CCDC57: variants seen among roughly 807,000 people sequenced by gnomAD.
CCDC57 encodes the protein coiled-coil domain containing 57, also known as coiled-coil domain-containing protein 57.
CCDC57 carries 118 observed loss-of-function variants against 118.9 expected under a neutral mutation model. The ratio of observed to expected loss-of-function variants is 0.99; its 90% CI spans 0.86 to 1.16. CCDC57 has a LOEUF of 1.16. CCDC57 is among the 50% of genes most tolerant of loss of function. The pLI is 0.00. For missense variants in CCDC57, 1,300 were observed against 1,320.7 expected, an observed-to-expected ratio of 0.98 and a Z score of 0.24; for synonymous variants, 527 against 532.9, an observed-to-expected ratio of 0.99 and a Z score of 0.15.
chr17:82,209,002 T>C (rs995473175), intron 1 of CCDC57, among the ~76,000 whole-genome samples: 7 of 152,152 alleles, frequency 4.6e-5, no homozygotes, highest in East Asian at 3.9e-4. Flanking sequence ...CACGTACTTA[T>C]AGGTGTGAAC....
intron 5 of CCDC57, 61 bp from the exon 5 acceptor site, chr17:82,194,200 G>T: frequency 6.6e-7 from 1 of 1,522,876 alleles, no homozygotes; most frequent in South Asian, 1.2e-5. Flanking sequence ...GAGGCATTAG[G>T]GGTACATACT....
intron 4 of CCDC57, 73 bp from the exon 4 acceptor site, chr17:82,195,437 T>G: frequency 3.3e-6 from 4 of 1,199,372 alleles, no homozygotes; most frequent in Middle Eastern, 1.9e-4. Context: ...TCCTGGGAGG[T>G]GGGATCCAGA....
Position 82,193,740 on chromosome 17 carries a change from G to GGCC in CCDC57, c.851+15_851+16insGGC. 1 of 1,582,346 alleles carries GGCC rather than the reference G, an allele frequency of 6.3e-7. No individual in the cohort carries two copies. On this transcript the variant is annotated intron_variant, in intron 7 of 19. Transcript: ENST00000665763. Reference sequence around the variant, plus strand: ...CCACTGACATGCTGCATGATGTTGGGAGCCGAAACACTCACTTCCTCTTAA... The same window carrying GGCC: ...CCACTGACATGCTGCATGATGTTGGGGCCAGCCGAAACACTCACTTCCTCTTAA...
chr17:82,151,172 G>A (rs1365169253), intron 16 of CCDC57, among the ~76,000 whole-genome samples: 4 of 136,320 alleles, frequency 2.9e-5, no homozygotes, highest in African/African-American at 5.5e-5. Flanking sequence ...CGCACACCCA[G>A]AACCAGGCGC....
At chr17:82,119,393 C>G (rs1037967610) in intron 19 of CCDC57, among the ~76,000 whole-genome samples, 2 of 151,882 alleles carry the variant, frequency 1.3e-5, no homozygotes, top group African/African-American at 4.8e-5. Flanking sequence ...GTACGTGGAG[C>G]AGACAGGAAT....
At position 82,199,081 on chromosome 17, in the gene CCDC57, A is replaced by G. The variant is rs116041758; in HGVS notation, c.408-659T>C. On this transcript the variant is annotated intron_variant, in intron 3 of 19. Transcript: ENST00000665763. ...ATAGGTAGATGCCAACACCAAGATG[A>G]CACAGACGCTGGAATTCTTCAACAA... 4.5e-3 allele frequency among the ~76,000 whole-genome samples: 678 copies of G among 152,206 alleles called. 5 individuals carry two copies. The highest frequency in any genetic ancestry group is 0.015 in the African/African-American group (639 of 41,544).
Position 82,192,664 on chromosome 17 carries a change from G to A in CCDC57, c.851+1092C>T, listed in dbSNP as rs2047817027. Among the ~76,000 whole-genome samples, 1 of 152,158 alleles carries A rather than the reference G, an allele frequency of 6.6e-6. No individual in the cohort carries two copies. The highest frequency in any genetic ancestry group is 1.5e-5 in the Non-Finnish European group (1 of 68,030). On this transcript the variant is annotated intron_variant, in intron 7 of 19. Coordinates refer to ENST00000665763, the Ensembl canonical transcript of CCDC57. The surrounding 1 kb of genome is among the most constrained non-coding windows in gnomAD (Gnocchi z 4.0). ...GCCTCGGTTTCCTCATCTAGGTAGA[G>A]AACCCGGATGGGTGCCCTCACAATG...
intron 16 of CCDC57, among the ~76,000 whole-genome samples, chr17:82,145,653 C>T (rs962070812): frequency 6.6e-6 from 1 of 152,132 alleles, no homozygotes; most frequent in Non-Finnish European, 1.5e-5. Context: ...TTCTGGAAGG[C>T]GCAGAGGGAG....
At chr17:82,147,924 T>C (rs1288942633) in intron 16 of CCDC57, among the ~76,000 whole-genome samples, 1 of 65,956 alleles carries the variant, frequency 1.5e-5, no homozygotes, top group Non-Finnish European at 2.8e-5. Context: ...GGATGGTAGA[T>C]GGATGGGTGG....
chr17:82,151,168 C>T (rs1169867178), intron 16 of CCDC57, among the ~76,000 whole-genome samples: 2 of 139,720 alleles, frequency 1.4e-5, no homozygotes, highest in Non-Finnish European at 3.1e-5. Flanking sequence ...CAGGCGCACA[C>T]CCAGAACCAG....
chr17:82,188,222 T>G, exon 8 of CCDC57: 1 of 1,548,088 alleles, frequency 6.5e-7, no homozygotes, highest in Non-Finnish European at 8.7e-7. Flanking sequence ...CGCTCACTGG[T>G]CAATGGCAGC....
intron 2 of CCDC57, among the ~76,000 whole-genome samples, chr17:82,204,942 C>T (rs979509013): frequency 2.6e-5 from 4 of 152,226 alleles, no homozygotes; most frequent in Non-Finnish European, 4.4e-5. Flanking sequence ...GCTCCTCCTG[C>T]CAGTGGGACC....
At chr17:82,182,795 C>T (rs1462229392) in intron 9 of CCDC57, among the ~76,000 whole-genome samples, 1 of 152,148 alleles carries the variant, frequency 6.6e-6, no homozygotes, top group Non-Finnish European at 1.5e-5. Flanking sequence ...AAGTGATTCT[C>T]CCACCTCAGC....
intron 15 of CCDC57, chr17:82,154,136 G>A (rs2042395134): frequency 6.6e-6 from 1 of 152,520 alleles, no homozygotes; most frequent in African/African-American, 2.4e-5. Flanking sequence ...TATTTTAAGG[G>A]CTAGAGGCAG....
intron 11 of CCDC57, 138 bp downstream of exon 10, chr17:82,178,336 T>C (rs2045785820): frequency 9.8e-7 from 1 of 1,020,878 alleles, no homozygotes. Flanking sequence ...TGACTCACCC[T>C]TGTTTGTGCA....
exon 20 of CCDC57, chr17:82,101,585 C>A: frequency 9.2e-7 from 1 of 1,088,894 alleles, no homozygotes; most frequent in South Asian, 1.5e-5. Context: ...CCACCCTGCA[C>A]GCTGTGCCCA....
In CCDC57 at chr17:82,212,247, A is replaced by G. The variant is rs1030657671; in HGVS notation, c.-211+538T>C. Among the ~76,000 whole-genome samples, 7 of 152,000 alleles carry G rather than the reference A, an allele frequency of 4.6e-5. No homozygotes were observed. The highest frequency in any genetic ancestry group is 1.2e-4 in the African/African-American group (5 of 41,462). On this transcript the variant is annotated intron_variant, in intron 1 of 19. Coordinates refer to ENST00000665763, the Ensembl canonical transcript of CCDC57. This position sits in a 1 kb window ranked among gnomAD's most constrained non-coding sequence, Gnocchi z 4.1. ...TTACAGGCGTGCACCACCACGCCCA[A>G]TAATTTTTGTATTTTTAGTAGAGAG...
At chr17:82,189,355 G>C (rs994086795) in intron 7 of CCDC57, among the ~76,000 whole-genome samples, 6 of 151,968 alleles carry the variant, frequency 3.9e-5, no homozygotes, top group Admixed American at 1.3e-4. Context: ...GAGCATATTA[G>C]GTTCTACTAA....
intron 14 of CCDC57, 58 bp downstream of exon 13, chr17:82,163,142 C>T (rs889891945): frequency 4.4e-5 from 69 of 1,582,430 alleles, no homozygotes; most frequent in African/African-American, 9.4e-5. Context: ...AGAGCCCACG[C>T]GCTCTCCCCC....
Sources: gnomAD v4.1 joint callset for allele counts (sites outside exome capture counted in the v4.1 genomes callset) on GRCh38, gnomAD v4.1.1 for gene constraint, Gnocchi (gnomAD v3.1) non-coding constraint, MANE v1.5 for transcripts, NCBI Gene and HGNC (gene_info 2026-07-23, HGNC 2026-07-21) for gene names.